Variants in KAZN observed in about 807,000 individuals in gnomAD.
KAZN encodes kazrin.
In KAZN, 40 loss-of-function variants were observed where a neutral mutation model predicts 87.4. The ratio of observed to expected loss-of-function variants is 0.46; its 90% CI spans 0.36 to 0.60. KAZN has a LOEUF of 0.60. Ranked by LOEUF, KAZN falls within the 20% of genes least tolerant of loss-of-function variation. The pLI is 0.00. For synonymous variants in KAZN, 466 were observed against 458.3 expected, an observed-to-expected ratio of 1.02 and a Z score of -0.22; for missense variants, 898 against 1,073.9, an observed-to-expected ratio of 0.84 and a Z score of 2.29.
At chr1:14,639,907 C>G (rs1680293034) in intron 1 of KAZN, among the ~76,000 whole-genome samples, 1 of 152,124 alleles carries the variant, frequency 6.6e-6, no homozygotes, top group South Asian at 2.1e-4. Flanking sequence ...GATTTGTAAT[C>G]CCCACTTTCC....
rs1402704032 is a variant in KAZN at position 13,922,157 on chromosome 1, C to A, written c.91+28401C>A. Among the ~76,000 whole-genome samples, 6 of 152,106 alleles carry A rather than the reference C, an allele frequency of 3.9e-5. No homozygotes were observed. In the East Asian group the frequency reaches 1.2e-3, roughly 29 times the overall value. On this transcript the variant is annotated intron_variant, in intron 1 of 16. Coordinates refer to the KAZN transcript ENST00000636203. The stretch of plus-strand genomic sequence containing the variant: ...GTGCCTGGGCCCTGGATTTCTCTGC[C>A]TTTTCTGTAGTGCTTTGGGGAAAAT...
At chr1:14,498,799 TG>T (rs1283452639) in intron 2 of KAZN, among the ~76,000 whole-genome samples, 1 of 151,978 alleles carries the variant, frequency 6.6e-6, no homozygotes, top group African/African-American at 2.4e-5. Flanking sequence ...CTCCAAGCCA[TG>T]GGTTGGCCAA....
intron 1 of KAZN, among the ~76,000 whole-genome samples, chr1:14,772,207 G>A (rs1645038720): frequency 6.6e-6 from 1 of 152,148 alleles, no homozygotes; most frequent in Non-Finnish European, 1.5e-5. Context: ...ATGGGCCTGG[G>A]TGCGGTGGCT....
chr1:14,964,959 T>C (rs1168702582), intron 2 of KAZN, among the ~76,000 whole-genome samples: 1 of 152,180 alleles, frequency 6.6e-6, no homozygotes, highest in Non-Finnish European at 1.5e-5. Context: ...GAATATTTGG[T>C]TTTGAATTTT....
intron 1 of KAZN, among the ~76,000 whole-genome samples, chr1:14,791,805 C>A (rs142383555): frequency 3.2e-4 from 49 of 152,350 alleles, no homozygotes; most frequent in African/African-American, 1.1e-3. Context: ...GAGCCACCAG[C>A]CTTTGATCCC....
Position 15,099,726 on chromosome 1 carries a change from G to A in KAZN, c.1548-1817G>A, listed in dbSNP as rs556427355. 2.0e-5 allele frequency among the ~76,000 whole-genome samples: 3 copies of A among 152,290 alleles called. No homozygotes were observed. The East Asian group carries it at 5.8e-4, about 29-fold the overall frequency. On this transcript the variant is annotated intron_variant, in intron 10 of 14. Transcript: ENST00000376030. The surrounding 1 kb of genome is among the most constrained non-coding windows in gnomAD (Gnocchi z 5.4). ...AGAGTGTTGAGCAGGGGAGTGCACGGTCACACTGACATTTTAAAAGGACCC... is the reference window on the plus strand; with the variant it reads ...AGAGTGTTGAGCAGGGGAGTGCACGATCACACTGACATTTTAAAAGGACCC...
At chr1:14,791,795 G>A (rs1338426679) in intron 1 of KAZN, among the ~76,000 whole-genome samples, 3 of 152,232 alleles carry the variant, frequency 2.0e-5, no homozygotes, top group Admixed American at 6.5e-5. Flanking sequence ...CAGCAGGCAC[G>A]AGCCACCAGC....
chr1:14,766,725 T>C (rs10803316), intron 1 of KAZN, among the ~76,000 whole-genome samples: 124,549 of 149,430 alleles, frequency 0.83, 52,849 homozygotes, highest in Non-Finnish European at 0.92. Context: ...TATCCCACGA[T>C]GGGAGGCAGT....
intron 1 of KAZN, among the ~76,000 whole-genome samples, chr1:14,732,800 T>C (rs1180633620): frequency 6.6e-6 from 1 of 152,148 alleles, no homozygotes; most frequent in African/African-American, 2.4e-5. Flanking sequence ...CTTTTGGCCC[T>C]ACGGTGCCAT....
At chr1:14,631,822 G>A (rs1344897574) in intron 1 of KAZN, among the ~76,000 whole-genome samples, 1 of 152,234 alleles carries the variant, frequency 6.6e-6, no homozygotes, top group Admixed American at 6.5e-5. Flanking sequence ...TTTGGGGGTT[G>A]TGTATCTGAA....
At chr1:14,008,606 AAG>A (rs1382340645) in intron 1 of KAZN, among the ~76,000 whole-genome samples, 1 of 152,236 alleles carries the variant, frequency 6.6e-6, no homozygotes, top group Non-Finnish European at 1.5e-5. Context: ...TGGGCAAGTA[AAG>A]AGATAATTAC....
intron 2 of KAZN, among the ~76,000 whole-genome samples, chr1:14,552,318 G>T (rs1261564143): frequency 6.6e-6 from 1 of 152,210 alleles, no homozygotes; most frequent in Non-Finnish European, 1.5e-5. Context: ...CCTCCCTGCA[G>T]CTTACCAGGC....
intron 2 of KAZN, among the ~76,000 whole-genome samples, chr1:14,272,037 A>G (rs1021513108): frequency 6.6e-5 from 10 of 152,262 alleles, no homozygotes; most frequent in Admixed American, 5.9e-4. Context: ...TTGCAGAATT[A>G]TTTGGTGACA....
chr1:13,968,738 CT>C (rs1325317765), intron 1 of KAZN, among the ~76,000 whole-genome samples: 1 of 152,208 alleles, frequency 6.6e-6, no homozygotes, highest in South Asian at 2.1e-4. Context: ...GTTTTGTTTT[CT>C]TTTTTCCTAA....
intron 2 of KAZN, among the ~76,000 whole-genome samples, chr1:14,191,529 T>G (rs1402506610): frequency 1.3e-5 from 2 of 152,068 alleles, no homozygotes; most frequent in Non-Finnish European, 2.9e-5. Flanking sequence ...TAAGAGACAG[T>G]CTTTTATCTG....
At chr1:14,070,030 G>A (rs535851801) in intron 1 of KAZN, among the ~76,000 whole-genome samples, 11 of 151,968 alleles carry the variant, frequency 7.2e-5, no homozygotes, top group South Asian at 4.2e-4. Context: ...TTATCCCAGC[G>A]TGGTGGTGTG....
chr1:14,034,497 G>A (rs1641461092), intron 1 of KAZN, among the ~76,000 whole-genome samples: 1 of 152,192 alleles, frequency 6.6e-6, no homozygotes, highest in African/African-American at 2.4e-5. Context: ...TAATTCAAAG[G>A]TGTCGAGCTG....
At chr1:14,388,436 C>T (rs1045331303) in intron 2 of KAZN, among the ~76,000 whole-genome samples, 1 of 152,258 alleles carries the variant, frequency 6.6e-6, no homozygotes, top group South Asian at 2.1e-4. Context: ...GGAGGAATCA[C>T]ATTACTTGAC....
intron 2 of KAZN, among the ~76,000 whole-genome samples, chr1:14,397,277 T>C (rs1328182045): frequency 8.3e-6 from 1 of 120,996 alleles, no homozygotes; most frequent in Non-Finnish European, 2.0e-5. Context: ...TTTTGGAGAC[T>C]GGAAGTCCAA....
Sources: allele counts gnomAD v4.1 joint callset (sites outside exome capture counted in the v4.1 genomes callset), GRCh38; gene constraint gnomAD v4.1.1; non-coding constraint Gnocchi (gnomAD v3.1); transcripts MANE v1.5; gene names NCBI Gene and HGNC (gene_info 2026-07-23, HGNC 2026-07-21).